Variants in SCAMP1 observed in about 807,000 individuals in gnomAD.
SCAMP1 encodes the protein secretory carrier membrane protein 1, also known as secretory carrier-associated membrane protein 1.
SCAMP1 carries 15 observed loss-of-function variants against 41.8 expected under a neutral mutation model. The ratio of observed to expected loss-of-function variants is 0.36; its 90% CI spans 0.24 to 0.55. SCAMP1 has a LOEUF of 0.55. SCAMP1 is among the 20% of genes least tolerant of loss of function. The pLI is 0.86. For synonymous variants in SCAMP1, 135 were observed against 136.8 expected (o/e 0.99, Z 0.09); for missense variants, 341 against 412.6 (o/e 0.83, Z 1.50).
intron 2 of SCAMP1, among the ~76,000 whole-genome samples, chr5:78,391,606 G>A (rs1040108316): frequency 2.6e-5 from 4 of 152,184 alleles, no homozygotes; most frequent in Admixed American, 6.5e-5. Flanking sequence ...ACACGGGGTG[G>A]CGGCCGGGCA....
At chr5:78,376,985 T>G (rs1314457694) in intron 1 of SCAMP1, among the ~76,000 whole-genome samples, 1 of 152,144 alleles carries the variant, frequency 6.6e-6, no homozygotes, top group African/African-American at 2.4e-5. Flanking sequence ...TAAGCTTAGA[T>G]ATGAAGAAGA....
intron 1 of SCAMP1, among the ~76,000 whole-genome samples, chr5:78,376,219 AC>A (rs540407204): frequency 4.7e-4 from 72 of 152,242 alleles, no homozygotes; most frequent in African/African-American, 1.7e-3. Context: ...AATAGAACTT[AC>A]GTTGAAATAT....
intron 2 of SCAMP1, among the ~76,000 whole-genome samples, chr5:78,389,152 T>G (rs898208374): frequency 6.6e-6 from 1 of 152,216 alleles, no homozygotes; most frequent in African/African-American, 2.4e-5. Flanking sequence ...ACAGATTAAA[T>G]CACAATAATC....
At chr5:78,424,577 A>G (rs568707391) in intron 6 of SCAMP1, among the ~76,000 whole-genome samples, 5 of 152,260 alleles carry the variant, frequency 3.3e-5, no homozygotes, top group African/African-American at 4.8e-5. Context: ...TAAAAATACA[A>G]AAAATTAGCT....
intron 8 of SCAMP1, among the ~76,000 whole-genome samples, chr5:78,471,694 C>G (rs1437753452): frequency 6.6e-6 from 1 of 152,096 alleles, no homozygotes; most frequent in African/African-American, 2.4e-5. Flanking sequence ...GTCTCTGAAG[C>G]TGCATTAAGG....
chr5:78,391,050 T>C (rs1338330761), intron 2 of SCAMP1, among the ~76,000 whole-genome samples: 4 of 152,048 alleles, frequency 2.6e-5, no homozygotes, highest in Admixed American at 2.6e-4. Context: ...CCATGTCTAC[T>C]TCTTTCTACA....
Position 78,360,623 on chromosome 5 carries a change from TCTCTCTCTCTGCGC to T in SCAMP1, c.-46_-33del. The T allele has an allele frequency of 6.5e-7, 1 of 1,532,444 alleles. No homozygotes were observed. Among genetic ancestry groups the T allele is most frequent in the Non-Finnish European group, 8.9e-7 (1 of 1,128,104 alleles). The allele number at this position is 1,532,444 out of a possible 1,614,324, so 94.9% of individuals were successfully genotyped here. On this transcript the variant is annotated 5_prime_UTR_variant, in exon 1 of 9. Coordinates refer to ENST00000621999, the MANE Select transcript of SCAMP1 (RefSeq NM_004866.6). ...GCAGGGGGGCGGCGGCCTCGCCTCG[TCTCTCTCTCTGCGC>T]CTGGGTCGGGTGGGTGACGCCGAGA...
intron 1 of SCAMP1, among the ~76,000 whole-genome samples, chr5:78,382,818 T>TGC (rs1164727902): frequency 7.7e-5 from 7 of 90,482 alleles, no homozygotes; most frequent in East Asian, 4.3e-4. Flanking sequence ...TGTGTGTGTG[T>TGC]GCGCCACATT....
chr5:78,460,760 C>CTTT, intron 8 of SCAMP1, among the ~76,000 whole-genome samples: 1 of 31,466 alleles, frequency 3.2e-5, no homozygotes, highest in African/African-American at 2.0e-4. Flanking sequence ...TTCCTTCCTT[C>CTTT]CTTCCTTCCT....
chr5:78,447,571 C>T (rs73135725), intron 6 of SCAMP1, among the ~76,000 whole-genome samples: 5,371 of 151,768 alleles, frequency 0.035, 345 homozygotes, highest in African/African-American at 0.12. Flanking sequence ...GAACTTCATA[C>T]TTGATATGAT....
At chr5:78,474,313 T>A (rs1753953309) in intron 8 of SCAMP1, among the ~76,000 whole-genome samples, 1 of 152,168 alleles carries the variant, frequency 6.6e-6, no homozygotes, top group Admixed American at 6.5e-5. Flanking sequence ...CCATAACATA[T>A]GCCGTTGGTT....
At chr5:78,412,906 A>T (rs1233825466) in intron 2 of SCAMP1, among the ~76,000 whole-genome samples, 2 of 152,104 alleles carry the variant, frequency 1.3e-5, no homozygotes, top group African/African-American at 4.8e-5. Context: ...TGTGTTTTCC[A>T]TTCTTAATTT....
At chr5:78,423,821 C>T (rs753049847) in intron 6 of SCAMP1, among the ~76,000 whole-genome samples, 1 of 151,048 alleles carries the variant, frequency 6.6e-6, no homozygotes, top group Non-Finnish European at 1.5e-5. Flanking sequence ...CTGGTTTTCA[C>T]TGTGCAGAGT....
intron 1 of SCAMP1, among the ~76,000 whole-genome samples, chr5:78,386,943 C>G (rs1383071017): frequency 6.6e-6 from 1 of 152,112 alleles, no homozygotes; most frequent in Non-Finnish European, 1.5e-5. Context: ...AGGTGATGAT[C>G]TTTTTATGAT....
At chr5:78,397,635 A>G (rs572966065) in intron 2 of SCAMP1, among the ~76,000 whole-genome samples, 6 of 152,310 alleles carry the variant, frequency 3.9e-5, no homozygotes, top group Admixed American at 1.3e-4. Context: ...TAAAAAGACA[A>G]CCAGGCTGGG....
intron 2 of SCAMP1, among the ~76,000 whole-genome samples, chr5:78,401,385 T>C (rs1751793750): frequency 1.3e-5 from 2 of 152,180 alleles, no homozygotes; most frequent in East Asian, 3.8e-4. Context: ...TTTCCTCCGA[T>C]TGAGACTGTA....
intron 1 of SCAMP1, among the ~76,000 whole-genome samples, chr5:78,361,826 G>A (rs1750661171): frequency 6.6e-6 from 1 of 152,208 alleles, no homozygotes; most frequent in Non-Finnish European, 1.5e-5. Context: ...CTGGCTTGTT[G>A]AGTTTACATC....
At chr5:78,360,858 C>T (rs1750625697) in intron 1 of SCAMP1, 130 bp downstream of exon 1, 1 of 895,250 alleles carries the variant, frequency 1.1e-6, no homozygotes, top group African/African-American at 1.7e-5. Flanking sequence ...CGCGGGGCCG[C>T]CGTCCTCCAT....
intron 2 of SCAMP1, among the ~76,000 whole-genome samples, chr5:78,408,297 A>T (rs958370424): frequency 4.6e-5 from 7 of 152,132 alleles, no homozygotes; most frequent in African/African-American, 1.7e-4. Flanking sequence ...CATGAGATTT[A>T]TTCACTGTCA....
Sources: gnomAD v4.1 joint callset for allele counts (sites outside exome capture counted in the v4.1 genomes callset) on GRCh38, gnomAD v4.1.1 for gene constraint, MANE v1.5 for transcripts, NCBI Gene and HGNC (gene_info 2026-07-23, HGNC 2026-07-21) for gene names.